The following EGFLAM variants were observed in gnomAD, a reference collection of about 807,000 sequenced individuals.
The protein encoded by EGFLAM is EGF like, fibronectin type III and laminin G domains.
Under a neutral mutation model 113.1 loss-of-function variants are expected in EGFLAM, and 79 were observed. The observed-to-expected ratio is 0.70, with a 90% CI of 0.58 to 0.84. The LOEUF (loss-of-function observed/expected upper bound fraction) is 0.84. Among genes scored for constraint, EGFLAM ranks in the 40% least tolerant of loss-of-function variants. The probability of loss-of-function intolerance (pLI) is 0.00; values close to 1 mark genes in which losing one functional copy is unlikely to be tolerated. For missense variants in EGFLAM, 1,265 were observed against 1,291.6 expected, an observed-to-expected ratio of 0.98 and a Z score of 0.32; for synonymous variants, 504 against 487.6, an observed-to-expected ratio of 1.03 and a Z score of -0.44.
chr5:38,392,637 C>T lies in EGFLAM; in HGVS notation c.713-13489C>T, dbSNP rs2961889. On this transcript the variant is annotated intron_variant, in intron 6 of 21. Transcript: ENST00000322350. ...AATCTATTCTTTTTTTTTGGGGGGGCGGTTCTCACTGGGATTTAATATCAT... is the reference window on the plus strand; with the variant it reads ...AATCTATTCTTTTTTTTTGGGGGGGTGGTTCTCACTGGGATTTAATATCAT... 6.4e-4 allele frequency among the ~76,000 whole-genome samples: 96 copies of T among 148,998 alleles called. 2 individuals are homozygous for T. The highest frequency in any genetic ancestry group is 2.2e-3 in the African/African-American group (88 of 39,392).
intron 17 of EGFLAM, chr5:38,445,607 G>T: frequency 3.1e-6 from 5 of 1,598,392 alleles, no homozygotes; most frequent in Non-Finnish European, 8.5e-7. Context: ...TCTGCAACCA[G>T]AGTAATTGGG....
At chr5:38,303,745 AC>A (rs202219848) in intron 1 of EGFLAM, among the ~76,000 whole-genome samples, 158 of 152,344 alleles carry the variant, frequency 1.0e-3, no homozygotes, top group African/African-American at 3.3e-3. Context: ...CACTAAAATT[AC>A]TATAAATGCT....
chr5:38,454,164 C>T (rs973390489), intron 19 of EGFLAM, among the ~76,000 whole-genome samples: 1 of 152,184 alleles, frequency 6.6e-6, no homozygotes, highest in Admixed American at 6.5e-5. Context: ...TCAATGTCCC[C>T]GATGCTGATG....
At chr5:38,311,395 T>G (rs1016988611) in intron 1 of EGFLAM, among the ~76,000 whole-genome samples, 1 of 152,212 alleles carries the variant, frequency 6.6e-6, no homozygotes, top group Non-Finnish European at 1.5e-5. Flanking sequence ...ACTCTGTTTC[T>G]GTGAGTTCGA....
chr5:38,369,048 C>A (rs1740139812), intron 5 of EGFLAM, among the ~76,000 whole-genome samples: 1 of 152,198 alleles, frequency 6.6e-6, no homozygotes, highest in Non-Finnish European at 1.5e-5. Context: ...ACAATTATTT[C>A]CAACTTTTAT....
chr5:38,418,256 G>GT lies in EGFLAM; in HGVS notation c.1684+2dup. 1.2e-6 allele frequency: 2 copies of GT among 1,612,822 alleles called. No homozygotes were observed. The highest frequency in any genetic ancestry group is 2.2e-5 in the South Asian group (2 of 90,848). On this transcript the variant is annotated splice_donor_variant, in intron 12 of 21. Coordinates refer to ENST00000322350, the MANE Select transcript of EGFLAM (RefSeq NM_152403.4). LOFTEE classifies it high-confidence loss of function. ...AAAGCACTCAGTGGGGCTGATGTGG[G>GT]TAAGTGGCTGCCTGGTGGGTTGGGG...
At chr5:38,389,667 G>A (rs922424593) in intron 6 of EGFLAM, among the ~76,000 whole-genome samples, 6 of 151,972 alleles carry the variant, frequency 3.9e-5, no homozygotes, top group African/African-American at 1.4e-4. Flanking sequence ...TCCCCAGCCT[G>A]GATAAGTTTT....
At chr5:38,291,301 A>G (rs541663546) in intron 1 of EGFLAM, among the ~76,000 whole-genome samples, 76 of 152,152 alleles carry the variant, frequency 5.0e-4, no homozygotes, top group Non-Finnish European at 9.9e-4. Flanking sequence ...CCATATGCAT[A>G]TTCATTTCAT....
intron 3 of EGFLAM, among the ~76,000 whole-genome samples, chr5:38,342,796 G>A (rs575134985): frequency 4.6e-5 from 7 of 152,182 alleles, no homozygotes; most frequent in South Asian, 2.1e-4. Context: ...ACCAGTATAC[G>A]AATATTTATG....
intron 17 of EGFLAM, among the ~76,000 whole-genome samples, chr5:38,447,756 CA>C (rs540815959): frequency 0.072 from 4,987 of 69,492 alleles, 138 homozygotes; most frequent in African/African-American, 0.16. Context: ...AACTTTGTTT[CA>C]AAAAAAAAAA....
chr5:38,278,595 TCTC>T (rs1757943153), intron 1 of EGFLAM, among the ~76,000 whole-genome samples: 1 of 152,026 alleles, frequency 6.6e-6, no homozygotes, highest in Admixed American at 6.6e-5. Context: ...TTCAAGCAAT[TCTC>T]CTGCCTCAGC....
At chr5:38,416,208 G>C (rs921157540) in intron 11 of EGFLAM, among the ~76,000 whole-genome samples, 1 of 152,324 alleles carries the variant, frequency 6.6e-6, no homozygotes, top group East Asian at 1.9e-4. Context: ...GAGAGACACT[G>C]ATTCTATCTG....
Position 38,407,046 on chromosome 5 carries a change from A to C in EGFLAM, c.1047A>C (p.Glu349Asp). 6.2e-7 allele frequency: 1 copy of C among 1,614,134 alleles called. No individual in the cohort carries two copies. The highest frequency in any genetic ancestry group is 8.5e-7 in the Non-Finnish European group (1 of 1,180,024). ...GGCTCTTTGACATGCCTTGTGATGA[A>C]ACTCTCTGCTCTGCTGACAGCTTCT... The part of the protein sequence containing the change: ...MSRLFDMPCD[E>D]TLCSADSFCV... The change falls in exon 8 of 22, where the codon GAA becomes GAC. Residue 349 changes from glutamate to aspartate, a missense_variant. By Grantham distance (45) the Glu-to-Asp change is conservative (BLOSUM62 2). Transcript: ENST00000322350.
At chr5:38,292,094 G>T (rs954833956) in intron 1 of EGFLAM, among the ~76,000 whole-genome samples, 1 of 152,160 alleles carries the variant, frequency 6.6e-6, no homozygotes, top group Non-Finnish European at 1.5e-5. Flanking sequence ...TCTGGCCACA[G>T]ATGGTGATTC....
intron 3 of EGFLAM, among the ~76,000 whole-genome samples, chr5:38,343,660 T>C (rs910008022): frequency 4.6e-5 from 7 of 152,200 alleles, no homozygotes; most frequent in Non-Finnish European, 8.8e-5. Flanking sequence ...CACCCTGCTC[T>C]GCACAGCCGT....
chr5:38,370,976 C>T (rs1462094348), intron 6 of EGFLAM, among the ~76,000 whole-genome samples: 1 of 152,116 alleles, frequency 6.6e-6, no homozygotes, highest in Non-Finnish European at 1.5e-5. Flanking sequence ...CTCATAGTGC[C>T]TAGGAACACT....
At chr5:38,375,183 T>G (rs1740333934) in intron 6 of EGFLAM, among the ~76,000 whole-genome samples, 1 of 151,492 alleles carries the variant, frequency 6.6e-6, no homozygotes, top group Non-Finnish European at 1.5e-5. Context: ...CATACAGAAA[T>G]GTGGGTAAAA....
chr5:38,331,668 T>G (rs1739045755), intron 1 of EGFLAM, among the ~76,000 whole-genome samples: 1 of 152,182 alleles, frequency 6.6e-6, no homozygotes, highest in African/African-American at 2.4e-5. Context: ...CAGCCACCTT[T>G]AAGACTATGT....
At chr5:38,340,160 A>C (rs373138232) in intron 3 of EGFLAM, among the ~76,000 whole-genome samples, 1 of 152,156 alleles carries the variant, frequency 6.6e-6, no homozygotes, top group East Asian at 1.9e-4. Context: ...CATCTCTCTG[A>C]AGGTCACTGC....
Sources: allele counts gnomAD v4.1 joint callset (sites outside exome capture counted in the v4.1 genomes callset), GRCh38; gene constraint gnomAD v4.1.1; transcripts MANE v1.5; gene names NCBI Gene and HGNC (gene_info 2026-07-23, HGNC 2026-07-21).